The following RHOU variants were observed in gnomAD, a reference collection of about 807,000 sequenced individuals.
RHOU encodes rho-related GTP-binding protein RhoU.
Under a neutral mutation model 12.6 loss-of-function variants are expected in RHOU, and 8 were observed. The observed-to-expected ratio is 0.64, with a 90% CI of 0.37 to 1.15. The LOEUF is 1.15. Among genes scored for constraint, RHOU ranks in the 50% most tolerant of loss-of-function variants. RHOU has a pLI of 0.01. For synonymous variants in RHOU, 161 were observed against 147.4 expected (o/e 1.09, Z -0.67); for missense variants, 258 against 347.0 (o/e 0.74, Z 2.04).
the RHOU span, among the ~76,000 whole-genome samples, chr1:228,714,932 C>T: frequency 6.6e-5 from 10 of 151,706 alleles, no homozygotes; most frequent in South Asian, 6.2e-4. Flanking sequence ...TTAGAAGAGA[C>T]GGGATTTCAC....
chr1:228,719,266 A>G, the RHOU span, among the ~76,000 whole-genome samples: 1 of 152,308 alleles, frequency 6.6e-6, no homozygotes, highest in African/African-American at 2.4e-5. Flanking sequence ...TTTATTGATC[A>G]TTTACTTTGT....
At chr1:228,663,753 C>T in the RHOU span, among the ~76,000 whole-genome samples, 1 of 150,132 alleles carries the variant, frequency 6.7e-6, no homozygotes, top group African/African-American at 2.4e-5. Flanking sequence ...CTGCCTCAGC[C>T]TCCCACGTAG....
the RHOU span, among the ~76,000 whole-genome samples, chr1:228,727,075 C>T: frequency 6.6e-6 from 1 of 152,184 alleles, no homozygotes; most frequent in African/African-American, 2.4e-5. Flanking sequence ...GAATTGTCAA[C>T]TCCTTGACAC....
chr1:228,647,080 G>C, the RHOU span, among the ~76,000 whole-genome samples: 1 of 152,172 alleles, frequency 6.6e-6, no homozygotes, highest in Non-Finnish European at 1.5e-5. Context: ...CCTTAGAGAG[G>C]AAGCACCCTA....
At chr1:228,679,948 A>G in the RHOU span, among the ~76,000 whole-genome samples, 1 of 152,078 alleles carries the variant, frequency 6.6e-6, no homozygotes, top group Non-Finnish European at 1.5e-5. Flanking sequence ...CCAATAAGGG[A>G]GCTGGGCAGG....
the RHOU span, among the ~76,000 whole-genome samples, chr1:228,702,635 C>T: frequency 6.6e-6 from 1 of 152,254 alleles, no homozygotes; most frequent in Non-Finnish European, 1.5e-5. Flanking sequence ...GTTTTATGAC[C>T]TTAAAGCTTG....
chr1:228,707,261 T>A, the RHOU span, among the ~76,000 whole-genome samples: 9 of 75,740 alleles, frequency 1.2e-4, 1 homozygote, highest in African/African-American at 9.0e-4. Context: ...ATATAGTGTG[T>A]GTGTGTGTGT....
At chr1:228,691,084 A>G in the RHOU span, among the ~76,000 whole-genome samples, 24,380 of 139,192 alleles carry the variant, frequency 0.18, 2,081 homozygotes, top group South Asian at 0.23. Context: ...TTCAGCTTAT[A>G]ATTTTTTTTT....
At chr1:228,719,818 T>C in the RHOU span, among the ~76,000 whole-genome samples, 1 of 152,158 alleles carries the variant, frequency 6.6e-6, no homozygotes, top group Non-Finnish European at 1.5e-5. Flanking sequence ...GTCCTTTTGA[T>C]TTACCTTTAA....
chr1:228,715,158 T>C, the RHOU span, among the ~76,000 whole-genome samples: 2 of 151,210 alleles, frequency 1.3e-5, no homozygotes, highest in African/African-American at 4.8e-5. Flanking sequence ...GTTTTCTTTC[T>C]TTTTTTTTCT....
the RHOU span, among the ~76,000 whole-genome samples, chr1:228,712,535 T>C: frequency 6.6e-6 from 1 of 151,678 alleles, no homozygotes; most frequent in African/African-American, 2.4e-5. Context: ...TTGGAAATCA[T>C]CATTCTCAGT....
intron 2 of RHOU, among the ~76,000 whole-genome samples, chr1:228,740,170 A>C (rs2102717442): frequency 6.6e-6 from 1 of 152,352 alleles, no homozygotes; most frequent in African/African-American, 2.4e-5. Flanking sequence ...GGGAAGCACA[A>C]GCATCACTTT....
the RHOU span, among the ~76,000 whole-genome samples, chr1:228,724,255 GA>G: frequency 6.6e-6 from 1 of 152,108 alleles, no homozygotes; most frequent in African/African-American, 2.4e-5. Context: ...TATTTAGTTG[GA>G]AAAGTCCTAC....
chr1:228,684,451 C>G, the RHOU span, among the ~76,000 whole-genome samples: 3 of 152,028 alleles, frequency 2.0e-5, no homozygotes, highest in African/African-American at 4.8e-5. Context: ...ACCGCAGCCC[C>G]CTGAGTAGCT....
chr1:228,670,298 GC>G, the RHOU span, among the ~76,000 whole-genome samples: 1 of 152,188 alleles, frequency 6.6e-6, no homozygotes, highest in East Asian at 1.9e-4. Context: ...AATCATTAAG[GC>G]CACCCCCTTT....
In RHOU at chr1:228,737,653, ATTTTGG is replaced by A; in HGVS notation, c.263-14_263-9del. ...GGTTAAAAGACACCTCCTGATTGTC[ATTTTGG>A]TTTTGTTTTTAAGCGGTGGTGTCTG... is the stretch of plus-strand genomic sequence containing the variant. On this transcript the variant is annotated splice_polypyrimidine_tract_variant and intron_variant, in intron 1 of 2. Coordinates refer to ENST00000366691, the MANE Select transcript of RHOU (RefSeq NM_021205.6). The surrounding 1 kb of genome is among the most constrained non-coding windows in gnomAD (Gnocchi z 4.1). 1.2e-6 allele frequency: 2 copies of A among 1,613,662 alleles called. No individual in the cohort carries two copies. Among genetic ancestry groups the A allele is most frequent in the Non-Finnish European group, 1.7e-6 (2 of 1,179,596 alleles).
At chr1:228,652,835 GA>G in the RHOU span, among the ~76,000 whole-genome samples, 3 of 152,064 alleles carry the variant, frequency 2.0e-5, no homozygotes, top group Non-Finnish European at 4.4e-5. Context: ...CCAAATTTAA[GA>G]AAATATTTTC....
the RHOU span, among the ~76,000 whole-genome samples, chr1:228,662,070 C>T: frequency 6.6e-6 from 1 of 152,194 alleles, no homozygotes; most frequent in Non-Finnish European, 1.5e-5. Context: ...CCAAAAGACA[C>T]ATGAAAAAAT....
At chr1:228,724,542 C>G in the RHOU span, among the ~76,000 whole-genome samples, 1 of 152,148 alleles carries the variant, frequency 6.6e-6, no homozygotes, top group Admixed American at 6.5e-5. Flanking sequence ...GTCCCCAACT[C>G]ATGGGCTCAA....
Sources: allele counts gnomAD v4.1 joint callset (sites outside exome capture counted in the v4.1 genomes callset), GRCh38; gene constraint gnomAD v4.1.1; non-coding constraint Gnocchi (gnomAD v3.1); transcripts MANE v1.5; gene names NCBI Gene and HGNC (gene_info 2026-07-23, HGNC 2026-07-21).